The following RCAN2 variants were observed in gnomAD, a reference collection of about 807,000 sequenced individuals.
RCAN2 encodes calcipressin-2.
In RCAN2, 9 loss-of-function variants were observed where a neutral mutation model predicts 23.6. The ratio of observed to expected loss-of-function variants is 0.38; its 90% CI spans 0.23 to 0.67. The LOEUF is 0.67. RCAN2 is among the 30% of genes least tolerant of loss of function. The pLI is 0.51. For synonymous variants in RCAN2, 109 were observed against 115.7 expected, an observed-to-expected ratio of 0.94 and a Z score of 0.37; for missense variants, 273 against 302.3, an observed-to-expected ratio of 0.90 and a Z score of 0.72.
At chr6:46,238,806 A>G (rs1268712064) in intron 4 of RCAN2, among the ~76,000 whole-genome samples, 1 of 152,182 alleles carries the variant, frequency 6.6e-6, no homozygotes, top group Non-Finnish European at 1.5e-5. Context: ...CTCCTGCCTT[A>G]GCCTCCCAAA....
At chr6:46,431,139 CTGTGTGTGTG>C (rs3084652) in intron 2 of RCAN2, among the ~76,000 whole-genome samples, 1 of 151,186 alleles carries the variant, frequency 6.6e-6, no homozygotes, top group Non-Finnish European at 1.5e-5. Flanking sequence ...ATGTGTGTGT[CTGTGTGTGTG>C]TGTGTTTCAT....
At chr6:46,482,080 G>A (rs1258746156) in intron 1 of RCAN2, among the ~76,000 whole-genome samples, 3 of 151,744 alleles carry the variant, frequency 2.0e-5, no homozygotes, top group Non-Finnish European at 2.9e-5. Flanking sequence ...AAAAACACTT[G>A]GGGAAAAAAC....
intron 2 of RCAN2, among the ~76,000 whole-genome samples, chr6:46,324,370 G>A (rs1463352440): frequency 6.6e-6 from 1 of 152,180 alleles, no homozygotes; most frequent in Non-Finnish European, 1.5e-5. Context: ...CATGTGCTAT[G>A]CCAAGAACAC....
chr6:46,346,837 ACC>A (rs1458038570), intron 2 of RCAN2, among the ~76,000 whole-genome samples: 6 of 151,772 alleles, frequency 4.0e-5, no homozygotes, highest in Non-Finnish European at 8.8e-5. Flanking sequence ...GAAAAATCTA[ACC>A]AGTTTTTAAA....
intron 2 of RCAN2, among the ~76,000 whole-genome samples, chr6:46,326,078 T>A (rs115580035): frequency 1.3e-5 from 2 of 152,144 alleles, no homozygotes; most frequent in African/African-American, 4.8e-5. Flanking sequence ...CAGCCACACA[T>A]GTTCTGGGCA....
intron 2 of RCAN2, among the ~76,000 whole-genome samples, chr6:46,425,057 T>C (rs958019953): frequency 6.6e-6 from 1 of 152,100 alleles, no homozygotes; most frequent in Non-Finnish European, 1.5e-5. Flanking sequence ...ATGCATGTGG[T>C]CCCCTTTCTT....
chr6:46,445,910 C>A (rs888241993), intron 2 of RCAN2, among the ~76,000 whole-genome samples: 4 of 151,908 alleles, frequency 2.6e-5, no homozygotes, highest in African/African-American at 9.7e-5. Context: ...ATAAAGGAAG[C>A]TTATGGGATT....
intron 1 of RCAN2, among the ~76,000 whole-genome samples, chr6:46,469,640 C>G (rs965949348): frequency 6.6e-6 from 1 of 152,150 alleles, no homozygotes. Context: ...ATGCTAGAAA[C>G]GAAGTGGGAA....
At chr6:46,241,275 A>C (rs536356569) in intron 4 of RCAN2, among the ~76,000 whole-genome samples, 3 of 152,348 alleles carry the variant, frequency 2.0e-5, no homozygotes, top group African/African-American at 7.2e-5. Context: ...GGAGTCAGGA[A>C]CAACAGATAT....
intron 1 of RCAN2, among the ~76,000 whole-genome samples, chr6:46,473,386 T>C (rs1414953403): frequency 7.2e-5 from 11 of 152,090 alleles, no homozygotes. Context: ...ACCTAGCATA[T>C]AATAGGCATT....
At chr6:46,318,919 T>A (rs1582099639) in intron 2 of RCAN2, among the ~76,000 whole-genome samples, 2 of 152,318 alleles carry the variant, frequency 1.3e-5, no homozygotes, top group African/African-American at 4.8e-5. Context: ...CTTTGACAAT[T>A]AACTCTCCAT....
At chr6:46,364,846 A>T (rs1318052771) in intron 2 of RCAN2, among the ~76,000 whole-genome samples, 1 of 151,938 alleles carries the variant, frequency 6.6e-6, no homozygotes, top group African/African-American at 2.4e-5. Context: ...GTCTCCTAAC[A>T]TTCTCCCTCT....
At chr6:46,291,957 C>T (rs769040205) in intron 2 of RCAN2, among the ~76,000 whole-genome samples, 10 of 152,164 alleles carry the variant, frequency 6.6e-5, no homozygotes, top group African/African-American at 9.7e-5. Flanking sequence ...AGACAGTATT[C>T]GGCAACCAGC....
intron 4 of RCAN2, among the ~76,000 whole-genome samples, chr6:46,229,113 C>A (rs542484920): frequency 6.6e-6 from 1 of 152,316 alleles, no homozygotes; most frequent in African/African-American, 2.4e-5. Context: ...TCTCTTCTGG[C>A]TTGTAGAGTT....
chr6:46,235,963 A>G (rs929223453), intron 4 of RCAN2, among the ~76,000 whole-genome samples: 6 of 152,220 alleles, frequency 3.9e-5, no homozygotes, highest in African/African-American at 1.4e-4. Flanking sequence ...AGTTTTCCTC[A>G]TCAATGAGAA....
At chr6:46,365,083 C>T (rs1452083608) in intron 2 of RCAN2, among the ~76,000 whole-genome samples, 3 of 152,102 alleles carry the variant, frequency 2.0e-5, no homozygotes, top group African/African-American at 4.8e-5. Flanking sequence ...TCCCTCTGCC[C>T]AGCTTATTTT....
At chr6:46,476,634 G>A (rs1768720601) in intron 1 of RCAN2, among the ~76,000 whole-genome samples, 1 of 152,202 alleles carries the variant, frequency 6.6e-6, no homozygotes, top group African/African-American at 2.4e-5. Context: ...CACAGCTCCT[G>A]AAATCCTTGT....
At chr6:46,464,600 T>C (rs1388653607) in intron 1 of RCAN2, among the ~76,000 whole-genome samples, 1 of 152,188 alleles carries the variant, frequency 6.6e-6, no homozygotes, top group Non-Finnish European at 1.5e-5. Flanking sequence ...TCTTAGGCTA[T>C]GCTCCATAGA....
intron 4 of RCAN2, among the ~76,000 whole-genome samples, chr6:46,233,917 CG>C (rs1337349779): frequency 2.0e-5 from 3 of 151,896 alleles, no homozygotes; most frequent in Non-Finnish European, 4.4e-5. Context: ...TTAGTAGAGA[CG>C]GGGTTTCACC....
Sources: gnomAD v4.1 joint callset for allele counts (sites outside exome capture counted in the v4.1 genomes callset) on GRCh38, gnomAD v4.1.1 for gene constraint, MANE v1.5 for transcripts, NCBI Gene and HGNC (gene_info 2026-07-23, HGNC 2026-07-21) for gene names.